ZNF236: variants seen among roughly 807,000 people sequenced by gnomAD.
ZNF236 encodes regulated by glucose.
In ZNF236, 50 loss-of-function variants were observed where a neutral mutation model predicts 191.2. That is an observed-to-expected ratio of 0.26 (90% confidence interval 0.21 to 0.33). The LOEUF is 0.33. ZNF236 is among the 10% of genes least tolerant of loss of function. The pLI is 1.00. For synonymous variants in ZNF236, 907 were observed against 928.8 expected (o/e 0.98, Z 0.43); for missense variants, 1,754 against 2,374.5 (o/e 0.74, Z 5.43).
intron 9 of ZNF236, among the ~76,000 whole-genome samples, chr18:76,893,703 G>A (rs9957571): frequency 0.024 from 3,614 of 152,240 alleles, 121 homozygotes; most frequent in African/African-American, 0.079. Flanking sequence ...TCAAGAGATG[G>A]AATTTTGCCA....
rs367852442 is a variant in ZNF236, at chr18:76,960,917, G to T, written c.5419+62G>T. ...TGGCCTGCGAGGCACCCTGTGTTTC[G>T]CATACATTGTTTCCTTTAGTTCACA... On this transcript the variant is annotated intron_variant, in intron 30 of 30. Transcript: ENST00000320610. This position sits in a 1 kb window ranked among gnomAD's most constrained non-coding sequence, Gnocchi z 4.4. 4 of 1,508,104 alleles carry T rather than the reference G, an allele frequency of 2.7e-6. No homozygotes were observed. Among genetic ancestry groups the T allele is most frequent in the Admixed American group, 2.2e-5 (1 of 46,340 alleles). The allele number at this position is 1,508,104 out of a possible 1,614,324, so 93.4% of individuals were successfully genotyped here.
chr18:76,959,975 A>G (rs1210026763), intron 29 of ZNF236, among the ~76,000 whole-genome samples, 159 bp downstream of exon 29: 1 of 152,162 alleles, frequency 6.6e-6, no homozygotes, highest in East Asian at 1.9e-4. Flanking sequence ...TGACCTATTT[A>G]TTGTCATAAC....
At chr18:76,838,707 A>G (rs988148699) in intron 1 of ZNF236, among the ~76,000 whole-genome samples, 1 of 152,252 alleles carries the variant, frequency 6.6e-6, no homozygotes, top group Admixed American at 6.5e-5. Flanking sequence ...AAAGTTATGT[A>G]TTATAGCACT....
chr18:76,920,076 C>T lies in ZNF236; in HGVS notation c.3557+18C>T. 1 of 1,605,392 alleles carries T rather than the reference C, an allele frequency of 6.2e-7. No individual in the cohort carries two copies. The highest frequency in any genetic ancestry group is 1.3e-5 in the African/African-American group (1 of 74,794). On this transcript the variant is annotated intron_variant, in intron 20 of 30. Transcript: ENST00000320610. ...CTGGTGAGGTGAGGGCATGGCTACG[C>T]CGCGCGGGTTCCGCTCTGAAGACTG...
intron 17 of ZNF236, among the ~76,000 whole-genome samples, chr18:76,913,291 G>A (rs1967266448): frequency 6.6e-6 from 1 of 152,098 alleles, no homozygotes. Flanking sequence ...ACTCTGTTTT[G>A]TATTTTGTAA....
chr18:76,909,530 A>G (rs948995492), intron 14 of ZNF236, among the ~76,000 whole-genome samples: 4 of 152,202 alleles, frequency 2.6e-5, no homozygotes, highest in African/African-American at 9.6e-5. Context: ...CTCCTGAACC[A>G]GAATATAAAG....
At chr18:76,906,564 C>A (rs1033508572) in intron 13 of ZNF236, among the ~76,000 whole-genome samples, 1 of 152,138 alleles carries the variant, frequency 6.6e-6, no homozygotes, top group Non-Finnish European at 1.5e-5. Flanking sequence ...AATGTTAAAC[C>A]AAATCTTTTT....
intron 30 of ZNF236, among the ~76,000 whole-genome samples, chr18:76,961,656 C>T (rs946666618): frequency 6.6e-6 from 1 of 152,230 alleles, no homozygotes; most frequent in Admixed American, 6.5e-5. Flanking sequence ...TCCATAGTGG[C>T]TGTACTAGTT....
At chr18:76,863,250 A>G (rs1976295990) in intron 3 of ZNF236, among the ~76,000 whole-genome samples, 1 of 152,210 alleles carries the variant, frequency 6.6e-6, no homozygotes, top group Non-Finnish European at 1.5e-5. Flanking sequence ...GTCATCACAA[A>G]GGATAGGAGA....
At chr18:76,901,830 A>G (rs1437538487) in intron 11 of ZNF236, among the ~76,000 whole-genome samples, 3 of 152,116 alleles carry the variant, frequency 2.0e-5, no homozygotes, top group Non-Finnish European at 4.4e-5. Flanking sequence ...TTGTTATGCT[A>G]TTTAACTGTT....
At chr18:76,896,736 A>G (rs1028086445) in intron 10 of ZNF236, among the ~76,000 whole-genome samples, 1 of 151,784 alleles carries the variant, frequency 6.6e-6, no homozygotes, top group Non-Finnish European at 1.5e-5. Flanking sequence ...GACCACACAC[A>G]GTACCAAACA....
chr18:76,860,229 A>G (rs1976173715), intron 3 of ZNF236, among the ~76,000 whole-genome samples: 1 of 152,094 alleles, frequency 6.6e-6, no homozygotes, highest in Non-Finnish European at 1.5e-5. Flanking sequence ...GTGGTTGAAG[A>G]TGTCTGTGCA....
At chr18:76,833,120 G>T (rs1235273533) in intron 1 of ZNF236, among the ~76,000 whole-genome samples, 1 of 151,940 alleles carries the variant, frequency 6.6e-6, no homozygotes, top group East Asian at 1.9e-4. Flanking sequence ...GATTCTTTTG[G>T]AATTTTCTCT....
intron 6 of ZNF236, among the ~76,000 whole-genome samples, chr18:76,877,682 C>T (rs1253202147): frequency 1.3e-5 from 2 of 152,090 alleles, no homozygotes; most frequent in Non-Finnish European, 2.9e-5. Flanking sequence ...TTGTATTCAA[C>T]TGTTTAAAAA....
intron 26 of ZNF236, among the ~76,000 whole-genome samples, chr18:76,940,990 T>C (rs1968121605): frequency 1.3e-5 from 2 of 152,184 alleles, no homozygotes. Context: ...GTGATCCTTA[T>C]GAGAATCTAG....
intron 28 of ZNF236, among the ~76,000 whole-genome samples, chr18:76,958,979 A>G (rs1968594221): frequency 6.6e-6 from 1 of 152,218 alleles, no homozygotes; most frequent in Non-Finnish European, 1.5e-5. Context: ...GATAATTATT[A>G]TGCTTCTGCA....
intron 26 of ZNF236, among the ~76,000 whole-genome samples, chr18:76,944,827 G>C (rs945818653): frequency 1.3e-5 from 2 of 152,138 alleles, no homozygotes; most frequent in Admixed American, 1.3e-4. Context: ...AAACACAAAT[G>C]ATAAGCTAAT....
At chr18:76,874,366 T>C (rs1464240388) in intron 5 of ZNF236, among the ~76,000 whole-genome samples, 2 of 152,102 alleles carry the variant, frequency 1.3e-5, no homozygotes, top group African/African-American at 4.8e-5. Flanking sequence ...GACTAGAAAT[T>C]TAAGTAGCCT....
chr18:76,869,911 G>A (rs963947008), intron 4 of ZNF236, among the ~76,000 whole-genome samples: 1 of 152,146 alleles, frequency 6.6e-6, no homozygotes, highest in Non-Finnish European at 1.5e-5. Flanking sequence ...AGCCGAGATC[G>A]TGCCACTGCA....
Sources: allele counts gnomAD v4.1 joint callset (sites outside exome capture counted in the v4.1 genomes callset), GRCh38; gene constraint gnomAD v4.1.1; non-coding constraint Gnocchi (gnomAD v3.1); transcripts MANE v1.5; gene names NCBI Gene and HGNC (gene_info 2026-07-23, HGNC 2026-07-21).